Variants in DIS3L2 observed in about 807,000 individuals in gnomAD.
The protein encoded by DIS3L2 is DIS3 like 3'-5' exoribonuclease 2, also known as DIS3-like exonuclease 2.
In DIS3L2, 34 loss-of-function variants were observed where a neutral mutation model predicts 97.5. That is an observed-to-expected ratio of 0.35 (90% CI 0.27 to 0.46). The LOEUF (loss-of-function observed/expected upper bound fraction) is 0.46. Among genes scored for constraint, DIS3L2 ranks in the 20% least tolerant of loss-of-function variants. The pLI is 1.00. For missense variants in DIS3L2, 1,038 were observed against 1,146.0 expected, an observed-to-expected ratio of 0.91 and a Z score of 1.36; for synonymous variants, 435 against 445.2, an observed-to-expected ratio of 0.98 and a Z score of 0.29.
At chr2:231,983,707 G>A (rs1003676032) in intron 1 of DIS3L2, among the ~76,000 whole-genome samples, 18 of 152,064 alleles carry the variant, frequency 1.2e-4, no homozygotes, top group African/African-American at 3.9e-4. Flanking sequence ...TGCCTAACAC[G>A]TTGAAACACG....
At chr2:232,190,096 G>C (rs1691567476) in intron 9 of DIS3L2, among the ~76,000 whole-genome samples, 1 of 152,172 alleles carries the variant, frequency 6.6e-6, no homozygotes, top group African/African-American at 2.4e-5. Context: ...GGGAGACTGA[G>C]ACAGGAAGAT....
chr2:232,225,864 G>A (rs1399607501), intron 10 of DIS3L2, among the ~76,000 whole-genome samples: 2 of 152,118 alleles, frequency 1.3e-5, no homozygotes, highest in African/African-American at 2.4e-5. Context: ...AAGAAACAAA[G>A]TACACGATAC....
At chr2:232,333,087 G>A (rs1317939658) in intron 16 of DIS3L2, among the ~76,000 whole-genome samples, 3 of 147,172 alleles carry the variant, frequency 2.0e-5, no homozygotes, top group Non-Finnish European at 1.5e-5. Context: ...AACCGCAGGC[G>A]GCCTCCTCCT....
chr2:232,317,387 C>T (rs865948089), intron 14 of DIS3L2, among the ~76,000 whole-genome samples: 7 of 152,122 alleles, frequency 4.6e-5, no homozygotes, highest in Non-Finnish European at 7.4e-5. Flanking sequence ...GCAGTATTTG[C>T]TCTTTTTTCC....
intron 13 of DIS3L2, chr2:232,343,263 G>C: frequency 8.2e-7 from 1 of 1,214,806 alleles, no homozygotes; most frequent in South Asian, 1.5e-5. Context: ...AGGCTGAGTA[G>C]GCTCACCTTT....
intron 5 of DIS3L2, among the ~76,000 whole-genome samples, chr2:232,064,226 A>G (rs1695791195): frequency 6.6e-6 from 1 of 152,172 alleles, no homozygotes; most frequent in South Asian, 2.1e-4. Context: ...TTTTAAGTCA[A>G]CATTTCCCCT....
chr2:232,160,394 G>T (rs994077141), intron 8 of DIS3L2, among the ~76,000 whole-genome samples: 1 of 152,060 alleles, frequency 6.6e-6, no homozygotes, highest in Non-Finnish European at 1.5e-5. Context: ...CAAGGAATTT[G>T]CCCATTTCAT....
At chr2:232,015,050 G>A (rs1694316050) in intron 2 of DIS3L2, 71 bp downstream of exon 2, 1 of 1,524,050 alleles carries the variant, frequency 6.6e-7, no homozygotes, top group Non-Finnish European at 9.1e-7. Context: ...GGTGTGAAGT[G>A]GAGGCTGTCT....
intron 14 of DIS3L2, among the ~76,000 whole-genome samples, chr2:232,316,067 A>G (rs1179193363): frequency 6.6e-6 from 1 of 151,710 alleles, no homozygotes; most frequent in Non-Finnish European, 1.5e-5. Context: ...GGGGTCGGGG[A>G]CCCCGCTCTC....
chr2:232,271,186 CCTGCCCCAAGTTAAGGTCCTTTCCTCT>C (rs1429517369), intron 13 of DIS3L2, among the ~76,000 whole-genome samples: 1 of 152,106 alleles, frequency 6.6e-6, no homozygotes, highest in Non-Finnish European at 1.5e-5. Flanking sequence ...GGGAATGACC[CCTGCCCCAAGTTAAGGTCCTTTCCTCT>C]CATTAGAATC....
At chr2:232,148,748 C>CTTTTTTTTTTT (rs34837114) in intron 8 of DIS3L2, among the ~76,000 whole-genome samples, 1 of 98,900 alleles carries the variant, frequency 1.0e-5, no homozygotes, top group Non-Finnish European at 1.9e-5. Context: ...AATTTTCTTT[C>CTTTTTTTTTTT]TTTTTTTTTT....
intron 9 of DIS3L2, among the ~76,000 whole-genome samples, chr2:232,186,348 T>C (rs1381715229): frequency 1.3e-5 from 2 of 152,182 alleles, no homozygotes; most frequent in Non-Finnish European, 2.9e-5. Context: ...CTTTCATCAT[T>C]CAACCATGTC....
intron 9 of DIS3L2, among the ~76,000 whole-genome samples, chr2:232,189,423 A>T (rs572235659): frequency 1.3e-5 from 2 of 152,366 alleles, no homozygotes; most frequent in East Asian, 3.9e-4. Flanking sequence ...TATGCGCAAC[A>T]GCTTGGATGG....
chr2:232,343,451 G>C, exon 14 of DIS3L2: 2 of 1,555,884 alleles, frequency 1.3e-6, no homozygotes, highest in Non-Finnish European at 1.7e-6. Context: ...CCTGAGACTC[G>C]GGGCATATGT....
At chr2:232,111,152 A>G (rs1460003315) in intron 6 of DIS3L2, 10 of 442,500 alleles carry the variant, frequency 2.3e-5, no homozygotes, top group Admixed American at 1.1e-4. Context: ...GCTGTGCTTA[A>G]AAGTTTAGAA....
At chr2:232,188,377 T>G (rs1453643283) in intron 9 of DIS3L2, among the ~76,000 whole-genome samples, 1 of 152,178 alleles carries the variant, frequency 6.6e-6, no homozygotes, top group Non-Finnish European at 1.5e-5. Context: ...TTTATGTAAC[T>G]TTTTTCTCAA....
At chr2:232,032,618 G>A (rs1694832355) in intron 5 of DIS3L2, among the ~76,000 whole-genome samples, 3 of 151,992 alleles carry the variant, frequency 2.0e-5, no homozygotes, top group Admixed American at 2.0e-4. Context: ...TTTCTTCTAG[G>A]GTTTTTATGG....
chr2:232,068,736 G>A (rs1234371560), intron 5 of DIS3L2, among the ~76,000 whole-genome samples: 1 of 152,028 alleles, frequency 6.6e-6, no homozygotes, highest in African/African-American at 2.4e-5. Flanking sequence ...TCACTGTCCT[G>A]AATCTCCCTT....
chr2:232,032,241 T>G (rs1289733228), intron 5 of DIS3L2, among the ~76,000 whole-genome samples: 3 of 152,396 alleles, frequency 2.0e-5, no homozygotes, highest in East Asian at 3.9e-4. Flanking sequence ...GGTTTTGATT[T>G]GCATTTCTCT....
Sources: gnomAD v4.1 joint callset for allele counts (sites outside exome capture counted in the v4.1 genomes callset) on GRCh38, gnomAD v4.1.1 for gene constraint, MANE v1.5 for transcripts, NCBI Gene and HGNC (gene_info 2026-07-23, HGNC 2026-07-21) for gene names.